CD82: variants seen among roughly 807,000 people sequenced by gnomAD.
CD82 encodes CD82 molecule.
A neutral mutation model predicts 37.4 loss-of-function variants in CD82; 36 were observed. The observed-to-expected ratio is 0.96, with a 90% CI of 0.74 to 1.27. The LOEUF (loss-of-function observed/expected upper bound fraction) is 1.27, where lower values mean the gene tolerates loss of function less well. CD82 is among the 50% of genes most tolerant of loss of function. The pLI is 0.00. For synonymous variants in CD82, 158 were observed against 137.4 expected (o/e 1.15, Z -1.05); for missense variants, 340 against 347.0 (o/e 0.98, Z 0.16).
At position 44,597,514 on chromosome 11, in the gene CD82, C is replaced by A. The variant is rs1420018090; in HGVS notation, c.64-2644C>A. ...CGTGGCTAATCCAGCCACATCTGAC[C>A]ATCAGGCTGGGGTCATCAGACCTAC... On this transcript the variant is annotated intron_variant, in intron 3 of 9. Transcript: ENST00000227155. The surrounding 1 kb of genome is among the most constrained non-coding windows in gnomAD (Gnocchi z 4.1). Among the ~76,000 whole-genome samples the A allele has an allele frequency of 1.3e-5, 2 of 152,280 alleles. No homozygotes were observed. The highest frequency in any genetic ancestry group is 2.9e-5 in the Non-Finnish European group (2 of 68,050).
At chr11:44,566,915 CAA>C (rs1852744289) in intron 1 of CD82, among the ~76,000 whole-genome samples, 1 of 152,102 alleles carries the variant, frequency 6.6e-6, no homozygotes, top group Non-Finnish European at 1.5e-5. Flanking sequence ...TCATCTGGAA[CAA>C]AGAGTGGCTG....
Position 44,619,767 on chromosome 11 carries a change from A to T in CD82, c.*641A>T, listed in dbSNP as rs1298719394. The T allele has an allele frequency of 6.7e-6, 1 of 148,220 alleles. No individual in the cohort carries two copies. Among genetic ancestry groups the T allele is most frequent in the African/African-American group, 2.5e-5 (1 of 40,000 alleles). The allele number at this position is 148,220 out of a possible 1,614,324, so 9.2% of individuals were successfully genotyped here. Reference sequence around the variant, plus strand: ...GGACAGAAAGAGACTCCGTCTCAAAAAAAAAAAAAAAAAAAAAAAAAATTG... The same window carrying T: ...GGACAGAAAGAGACTCCGTCTCAAATAAAAAAAAAAAAAAAAAAAAAATTG... On this transcript the variant is annotated 3_prime_UTR_variant, in exon 10 of 10. Coordinates refer to ENST00000227155, the MANE Select transcript of CD82 (RefSeq NM_002231.4).
intron 6 of CD82, among the ~76,000 whole-genome samples, chr11:44,608,768 T>A (rs774317151): frequency 3.9e-5 from 6 of 152,220 alleles, no homozygotes; most frequent in Non-Finnish European, 7.3e-5. Flanking sequence ...GAAATAGAAA[T>A]GAGACTCACT....
chr11:44,580,160 C>T (rs1482979851), intron 1 of CD82, among the ~76,000 whole-genome samples: 1 of 152,184 alleles, frequency 6.6e-6, no homozygotes, highest in African/African-American at 2.4e-5. Context: ...CAAGAAGACT[C>T]CCCACCCCCA....
intron 6 of CD82, among the ~76,000 whole-genome samples, chr11:44,613,884 G>T (rs867840537): frequency 3.9e-5 from 6 of 152,000 alleles, no homozygotes; most frequent in African/African-American, 1.4e-4. Flanking sequence ...TCTGGGGCAA[G>T]TAGCCAGGTC....
In CD82 at chr11:44,608,309, C is replaced by G. The variant is rs928551204; in HGVS notation, c.336+2880C>G. On this transcript the variant is annotated intron_variant, in intron 6 of 9. Coordinates refer to ENST00000227155, the MANE Select transcript of CD82 (RefSeq NM_002231.4). ...TGTGGTCTCCAGGGCTGCCCTCTGT[C>G]CTTCCTGCCTCTGTCACCCGCAGCC... Among the ~76,000 whole-genome samples, 10 of 152,210 alleles carry G rather than the reference C, an allele frequency of 6.6e-5. No homozygotes were observed. The East Asian group carries it at 7.7e-4, about 12-fold the overall frequency.
At chr11:44,615,460 A>G in intron 7 of CD82, 87 bp downstream of exon 7, 1 of 812,324 alleles carries the variant, frequency 1.2e-6, no homozygotes, top group African/African-American at 1.7e-5. Flanking sequence ...TGGGACTGGC[A>G]TCTGCAGTGC....
At chr11:44,608,988 G>T (rs900103585) in intron 6 of CD82, among the ~76,000 whole-genome samples, 1 of 152,238 alleles carries the variant, frequency 6.6e-6, no homozygotes, top group Admixed American at 6.5e-5. Flanking sequence ...TATTATTGCC[G>T]CCATTATTCA....
chr11:44,590,610 C>CAAAAAAAA (rs56665683), intron 2 of CD82, among the ~76,000 whole-genome samples: 1,616 of 33,354 alleles, frequency 0.048, 364 homozygotes, highest in African/African-American at 0.13. Context: ...GATTCTGTCT[C>CAAAAAAAA]AAAAAAAAAA....
At chr11:44,574,609 T>G (rs1466026090) in intron 1 of CD82, among the ~76,000 whole-genome samples, 1 of 152,208 alleles carries the variant, frequency 6.6e-6, no homozygotes, top group Admixed American at 6.5e-5. Context: ...AAAGAGGGTT[T>G]TTTTTGTGTG....
intron 6 of CD82, among the ~76,000 whole-genome samples, chr11:44,608,357 G>C (rs923574505): frequency 6.6e-6 from 1 of 152,144 alleles, no homozygotes; most frequent in African/African-American, 2.4e-5. Context: ...GCAGCGATGG[G>C]GAGGTTGGGG....
chr11:44,612,641 T>A (rs1853501414), intron 6 of CD82, among the ~76,000 whole-genome samples: 1 of 133,568 alleles, frequency 7.5e-6, no homozygotes, highest in Non-Finnish European at 1.6e-5. Context: ...TTTTTTTTTT[T>A]TTTTTTTTTG....
chr11:44,618,113 G>T, intron 7 of CD82, 49 bp from the exon 8 acceptor site: 4 of 1,574,078 alleles, frequency 2.5e-6, no homozygotes, highest in Non-Finnish European at 3.5e-6. Flanking sequence ...AGGGCAGCCT[G>T]CCTAGGGTGA....
chr11:44,596,451 T>C lies in CD82; in HGVS notation c.63+1726T>C, dbSNP rs1157707263. Among the ~76,000 whole-genome samples, 3 of 152,190 alleles carry C rather than the reference T, an allele frequency of 2.0e-5. No homozygotes were observed. In the East Asian group the frequency reaches 5.8e-4, roughly 29 times the overall value. ...GTTTCAGTGATAAAGAAACTTTCCT[T>C]CATGCAGTGGGGGTTGGGGAGACCC... On this transcript the variant is annotated intron_variant, in intron 3 of 9. Coordinates refer to ENST00000227155, the MANE Select transcript of CD82 (RefSeq NM_002231.4).
chr11:44,614,564 A>G (rs1853533854), intron 6 of CD82, among the ~76,000 whole-genome samples: 2 of 152,198 alleles, frequency 1.3e-5, no homozygotes, highest in African/African-American at 4.8e-5. Flanking sequence ...GCTAGTGGAG[A>G]GAGATGATAA....
intron 2 of CD82, among the ~76,000 whole-genome samples, chr11:44,591,038 CTT>C (rs1487344830): frequency 6.6e-6 from 1 of 152,374 alleles, no homozygotes; most frequent in South Asian, 2.1e-4. Context: ...GGCAGGAAGA[CTT>C]TGTCTTCTGG....
intron 1 of CD82, chr11:44,573,179 G>A (rs918931255): frequency 1.3e-5 from 2 of 152,170 alleles, no homozygotes; most frequent in Admixed American, 6.5e-5. Context: ...GGAAACAAAC[G>A]GAGAGGGGAG....
chr11:44,565,280 G>A (rs978481195), upstream of CD82, among the ~76,000 whole-genome samples: 3 of 152,202 alleles, frequency 2.0e-5, no homozygotes, highest in Non-Finnish European at 2.9e-5. Flanking sequence ...AAGGAGGCGG[G>A]GGCGCTGGGA....
intron 1 of CD82, among the ~76,000 whole-genome samples, chr11:44,581,675 G>C (rs1411236992): frequency 6.6e-6 from 1 of 152,234 alleles, no homozygotes; most frequent in Non-Finnish European, 1.5e-5. Context: ...GTGAACTGCA[G>C]TGGATGGTGG....
Sources: allele counts gnomAD v4.1 joint callset (sites outside exome capture counted in the v4.1 genomes callset), GRCh38; gene constraint gnomAD v4.1.1; non-coding constraint Gnocchi (gnomAD v3.1); transcripts MANE v1.5; gene names NCBI Gene and HGNC (gene_info 2026-07-23, HGNC 2026-07-21).